QSOX2: variants seen among roughly 807,000 people sequenced by gnomAD.
QSOX2 encodes the protein sulfhydryl oxidase 2.
QSOX2 carries 46 observed loss-of-function variants against 61.7 expected under a neutral mutation model. That is an observed-to-expected ratio of 0.75 (90% CI 0.59 to 0.95). QSOX2 has a LOEUF of 0.95. Ranked by LOEUF, QSOX2 falls within the 40% of genes least tolerant of loss-of-function variation. QSOX2 has a pLI of 0.00. For synonymous variants in QSOX2, 383 were observed against 388.4 expected (o/e 0.99, Z 0.16); for missense variants, 879 against 918.9 (o/e 0.96, Z 0.56).
At chr9:136,219,256 C>A in intron 6 of QSOX2, 92 bp from the exon 7 acceptor site, 1 of 1,435,532 alleles carries the variant, frequency 7.0e-7, no homozygotes. Flanking sequence ...CTGGGCCACC[C>A]CTTTCATCCT....
intron 6 of QSOX2, among the ~76,000 whole-genome samples, chr9:136,220,192 C>T (rs926091577): frequency 1.3e-5 from 2 of 152,098 alleles, no homozygotes; most frequent in Admixed American, 6.5e-5. Context: ...CCACCACGCC[C>T]GGCTAATGTT....
chr9:136,240,419 A>T (rs1252383567), intron 1 of QSOX2, among the ~76,000 whole-genome samples: 2 of 152,340 alleles, frequency 1.3e-5, no homozygotes, highest in Non-Finnish European at 2.9e-5. Flanking sequence ...AGTAAAGATA[A>T]AACAATCTCC....
intron 2 of QSOX2, among the ~76,000 whole-genome samples, chr9:136,226,557 C>A (rs1472896101): frequency 1.3e-5 from 2 of 152,198 alleles, no homozygotes; most frequent in African/African-American, 4.8e-5. Flanking sequence ...GACAGTCCCA[C>A]AGACACTTCC....
Position 136,211,285 on chromosome 9 carries a change from T to A in QSOX2, c.1528A>T (p.Met510Leu), listed in dbSNP as rs1453224993. Reference protein sequence around the residue: ...AILWLWKKHNMVNGRLAGHLS... With the variant: ...AILWLWKKHNLVNGRLAGHLS... ...TCACCTGCCAGGCGGCCGTTCACCA[T>A]ATTATGCTTCTTCCACAGCCAGAGG... is the stretch of plus-strand genomic sequence containing the variant. Residue 510 changes from methionine (M) to leucine (L), a missense_variant, in exon 11 of 12, where the codon ATG (methionine) becomes TTG (leucine). By Grantham distance (15) the Met-to-Leu change is conservative. Coordinates refer to ENST00000358701, the MANE Select transcript of QSOX2 (RefSeq NM_181701.4). 2.5e-6 allele frequency: 4 copies of A among 1,614,168 alleles called. No individual in the cohort carries two copies. In the South Asian group the frequency reaches 3.3e-5, roughly 13 times the overall value.
At position 136,207,054 on chromosome 9, in the gene QSOX2, T is replaced by C. The variant is rs939339361; in HGVS notation, c.*1674A>G. 1 of 152,132 alleles carries C rather than the reference T, an allele frequency of 6.6e-6. No homozygotes were observed. Among genetic ancestry groups the C allele is most frequent in the Admixed American group, 6.5e-5 (1 of 15,272 alleles). The allele number at this position is 152,132 out of a possible 1,614,324, so 9.4% of individuals were successfully genotyped here. A position where few individuals can be genotyped will look rare whatever the true frequency, so the allele number is the denominator to read the frequency against. On this transcript the variant is annotated 3_prime_UTR_variant, in exon 12 of 12. Transcript: ENST00000358701. ...GCTAAAGCACAGAGGGGTTAAAAAG[T>C]GTGAAACCAGAAGCAACTCTCGAGT...
rs1462051188 is a variant in QSOX2, at chr9:136,206,557, T to C, written c.*2171A>G. 18 of 152,458 alleles carry C rather than the reference T, an allele frequency of 1.2e-4. No homozygotes were observed. Among genetic ancestry groups the C allele is most frequent in the East Asian group, 1.1e-3 (6 of 5,324 alleles). The allele number at this position is 152,458 out of a possible 1,614,324, so 9.4% of individuals were successfully genotyped here. A position where few individuals can be genotyped will look rare whatever the true frequency, so the allele number is the denominator to read the frequency against. On this transcript the variant is annotated 3_prime_UTR_variant, in exon 12 of 12. Transcript: ENST00000358701. ...TTAAAATACTTAAAACTTTAGAAAA[T>C]AGACTCTAAACATTGCCTAAAGGTG...
chr9:136,237,444 C>T lies in QSOX2; in HGVS notation c.328+8032G>A, dbSNP rs149576911. 8.8e-3 allele frequency among the ~76,000 whole-genome samples: 1,230 copies of T among 139,004 alleles called. 8 individuals carry two copies. The highest frequency in any genetic ancestry group is 0.014 in the Non-Finnish European group (905 of 63,164). The allele number at this position is 139,004 out of a possible 152,430, so 91.2% of individuals were successfully genotyped here. On this transcript the variant is annotated intron_variant, in intron 1 of 11. Coordinates refer to ENST00000358701, the MANE Select transcript of QSOX2 (RefSeq NM_181701.4). ...ATCACCTGGAGCCCGTCCTGTGCCA[C>T]ACCTGGAGCCCATCCTGTGCCGGCG...
At chr9:136,226,748 C>G (rs748525279) in intron 2 of QSOX2, 26 bp downstream of exon 2, 1 of 1,581,218 alleles carries the variant, frequency 6.3e-7, no homozygotes, top group African/African-American at 1.3e-5. Flanking sequence ...TGAATTTCAA[C>G]GGACAAGCAG....
At chr9:136,226,699 G>T in intron 2 of QSOX2, 75 bp downstream of exon 2, 1 of 1,215,562 alleles carries the variant, frequency 8.2e-7, no homozygotes, top group Non-Finnish European at 1.2e-6. Flanking sequence ...CAACAGACAA[G>T]CAGCCGCGTG....
At chr9:136,244,180 T>C (rs1216467671) in intron 1 of QSOX2, among the ~76,000 whole-genome samples, 2 of 152,212 alleles carry the variant, frequency 1.3e-5, no homozygotes, top group Non-Finnish European at 2.9e-5. Flanking sequence ...AAGGGTTCCC[T>C]ACGTGATTGA....
chr9:136,244,886 G>C (rs1830458344), intron 1 of QSOX2, among the ~76,000 whole-genome samples: 1 of 152,212 alleles, frequency 6.6e-6, no homozygotes, highest in Non-Finnish European at 1.5e-5. Context: ...TTATAGAGAA[G>C]TCTCCAGAGT....
At chr9:136,214,155 C>T (rs1432010466) in intron 10 of QSOX2, among the ~76,000 whole-genome samples, 2 of 152,178 alleles carry the variant, frequency 1.3e-5, no homozygotes, top group Non-Finnish European at 2.9e-5. Context: ...ACACACACAA[C>T]AAAATTCAGG....
intron 9 of QSOX2, 29 bp downstream of exon 9, chr9:136,216,571 G>A: frequency 6.2e-7 from 1 of 1,611,802 alleles, no homozygotes; most frequent in South Asian, 1.1e-5. Context: ...GGAGGGTGCA[G>A]CGTGGCTGGC....
intron 1 of QSOX2, among the ~76,000 whole-genome samples, chr9:136,227,242 C>T (rs941805017): frequency 2.0e-5 from 3 of 152,186 alleles, no homozygotes; most frequent in Non-Finnish European, 2.9e-5. Context: ...CAAGCAAGTA[C>T]GTGCAGATTA....
intron 11 of QSOX2, chr9:136,210,593 A>G (rs2131048209): frequency 2.0e-6 from 2 of 985,256 alleles, no homozygotes; most frequent in Non-Finnish European, 1.2e-6. Flanking sequence ...TCGTCACATG[A>G]CCCCGGCCCC....
At chr9:136,231,897 T>TCTCCACCCCCTCCACCCC (rs1204719900) in intron 1 of QSOX2, among the ~76,000 whole-genome samples, 5 of 36,118 alleles carry the variant, frequency 1.4e-4, no homozygotes, top group Admixed American at 2.2e-4. Context: ...CCCTCCACCC[T>TCTCCACCCCCTCCACCCC]CTCCACCCCC....
rs112262550 is a variant in QSOX2 at position 136,207,781 on chromosome 9, G to A, written c.*947C>T. The A allele has an allele frequency of 0.011, 1,669 of 152,330 alleles. 14 individuals carry two copies. Among genetic ancestry groups the A allele is most frequent in the Non-Finnish European group, 0.017 (1,161 of 68,064 alleles). 9.4% of individuals were successfully genotyped at this position (152,330 alleles called of 1,614,324 possible). A position where few individuals can be genotyped will look rare whatever the true frequency, so the allele number is the denominator to read the frequency against. ...CTTTAGAAGTCTCCCTGGGGCCTAC[G>A]CTCCCAAGGGCAGACTGCTCTCCTC... is the stretch of plus-strand genomic sequence containing the variant. On this transcript the variant is annotated 3_prime_UTR_variant, in exon 12 of 12. Coordinates refer to ENST00000358701, the MANE Select transcript of QSOX2 (RefSeq NM_181701.4).
At chr9:136,214,168 G>A (rs894940137) in intron 10 of QSOX2, among the ~76,000 whole-genome samples, 2 of 152,100 alleles carry the variant, frequency 1.3e-5, no homozygotes, top group Non-Finnish European at 2.9e-5. Context: ...AATTCAGGGG[G>A]GATAAAAAAT....
At chr9:136,230,777 G>C (rs1252489820) in intron 1 of QSOX2, among the ~76,000 whole-genome samples, 2 of 152,120 alleles carry the variant, frequency 1.3e-5, no homozygotes, top group Non-Finnish European at 2.9e-5. Flanking sequence ...GGAGAGTCCC[G>C]GCCTCCAGAG....
Sources: allele counts gnomAD v4.1 joint callset (sites outside exome capture counted in the v4.1 genomes callset), GRCh38; gene constraint gnomAD v4.1.1; transcripts MANE v1.5; gene names NCBI Gene and HGNC (gene_info 2026-07-23, HGNC 2026-07-21).